Variants in IGSF10 observed in about 807,000 individuals in gnomAD.
IGSF10 encodes the protein calvaria mechanical force protein 608.
Under a neutral mutation model 128.2 loss-of-function variants are expected in IGSF10, and 126 were observed. The observed-to-expected ratio is 0.98, with a 90% CI of 0.85 to 1.14. IGSF10 has a LOEUF of 1.14. Ranked by LOEUF, IGSF10 falls within the 50% of genes most tolerant of loss-of-function variation. The pLI is 0.00. For synonymous variants in IGSF10, 1,185 were observed against 1,146.2 expected, an observed-to-expected ratio of 1.03 and a Z score of -0.68; for missense variants, 3,295 against 3,149.8, an observed-to-expected ratio of 1.05 and a Z score of -1.10.
chr3:151,611,407 G>A, the IGSF10 span, among the ~76,000 whole-genome samples: 93,366 of 152,074 alleles, frequency 0.61, 29,186 homozygotes, highest in African/African-American at 0.73. Context: ...CACATGGGCA[G>A]TGCATACAGT....
In IGSF10 at chr3:151,448,798, T is replaced by C; in HGVS notation, c.1183A>G (p.Ser395Gly). ...TTGTAATAGAGCTGCGGTGTTTCAC[T>C]AAGCAAGTGGCTCCTTTCTAGTATC... ...PLILERSHLLSETPQLYYKYK... is the reference protein window; with the variant it reads ...PLILERSHLLGETPQLYYKYK... The change falls in exon 6 of 8, where the codon AGT becomes GGT. Residue 395 changes from serine (S) to glycine (G), a missense_variant. By Grantham distance (56) the Ser-to-Gly change is moderately conservative (BLOSUM62 0). Transcript: ENST00000282466. 2 of 1,613,558 alleles carry C rather than the reference T, an allele frequency of 1.2e-6. No homozygotes were observed. The highest frequency in any genetic ancestry group is 1.7e-6 in the Non-Finnish European group (2 of 1,179,464).
chr3:151,457,624 A>G (rs543603905), intron 3 of IGSF10, among the ~76,000 whole-genome samples: 116 of 152,278 alleles, frequency 7.6e-4, no homozygotes, highest in African/African-American at 2.7e-3. Context: ...TCAACAGAGT[A>G]GTGGTACAAC....
At chr3:151,568,934 A>C in the IGSF10 span, among the ~76,000 whole-genome samples, 1 of 152,220 alleles carries the variant, frequency 6.6e-6, no homozygotes, top group Non-Finnish European at 1.5e-5. Context: ...GCAGAATGCT[A>C]CTGTTGACGT....
At chr3:151,505,649 C>T in the IGSF10 span, among the ~76,000 whole-genome samples, 2 of 152,252 alleles carry the variant, frequency 1.3e-5, no homozygotes, top group Admixed American at 1.3e-4. Flanking sequence ...AGATATGTTA[C>T]AGTGGACATT....
chr3:151,518,005 G>A, the IGSF10 span, among the ~76,000 whole-genome samples: 1 of 151,914 alleles, frequency 6.6e-6, no homozygotes, highest in South Asian at 2.1e-4. Context: ...CATTACAATG[G>A]TTTTGGTGCT....
chr3:151,547,431 C>T, the IGSF10 span, among the ~76,000 whole-genome samples: 5,616 of 100,576 alleles, frequency 0.056, 199 homozygotes, highest in East Asian at 0.21. Flanking sequence ...TATATATATA[C>T]ACACACACAC....
At position 151,436,830 on chromosome 3, in the gene IGSF10, C is replaced by CCTCT. The variant is rs1448743716; in HGVS notation, c.7727_7730dup (p.Thr2578GlufsTer6). 4 of 1,614,180 alleles carry CCTCT rather than the reference C, an allele frequency of 2.5e-6. No homozygotes were observed. Among genetic ancestry groups the CCTCT allele is most frequent in the South Asian group, 1.1e-5 (1 of 91,074 alleles). On this transcript the variant is annotated frameshift_variant, in exon 8 of 8. Transcript: ENST00000282466. LOFTEE classifies it low-confidence loss of function (END_TRUNC). ...AGTGAAGCTGCTCACTTCCATGTGTCCTCTCTTTACTTGCCGTTGAGAGAA... is the reference window on the plus strand; with the variant it reads ...AGTGAAGCTGCTCACTTCCATGTGTCCTCTCTCTCTTTACTTGCCGTTGAGAGAA...
At chr3:151,613,763 GGGC>G in the IGSF10 span, among the ~76,000 whole-genome samples, 1 of 152,260 alleles carries the variant, frequency 6.6e-6, no homozygotes, top group East Asian at 1.9e-4. Context: ...ACATAGGCAT[GGGC>G]AAGGACTTCA....
In IGSF10 at chr3:151,437,836, G is replaced by A; in HGVS notation, c.6725C>T (p.Thr2242Ile). The change falls in exon 8 of 8, where the codon ACA (threonine) becomes ATA (isoleucine). Residue 2242 changes from threonine to isoleucine, a missense_variant. By Grantham distance (89) the Thr-to-Ile change is moderately conservative. Coordinates refer to ENST00000282466, the MANE Select transcript of IGSF10 (RefSeq NM_178822.5). The stretch of plus-strand genomic sequence containing the variant: ...TGTGGCTTTAATAACAGTTCTGTTT[G>A]TATACAGACCATTGATTAATGGAGG... ...SKPPLINGLY[T>I]NRTVIKATAV... 6.2e-7 allele frequency: 1 copy of A among 1,613,940 alleles called. No individual in the cohort carries two copies.
At chr3:151,592,221 TACACACACACACACACACACAC>T in the IGSF10 span, among the ~76,000 whole-genome samples, 102 of 150,450 alleles carry the variant, frequency 6.8e-4, no homozygotes, top group African/African-American at 2.4e-3. Context: ...TTGAGATTAA[TACACACACACACACACACACAC>T]ACACACACAC....
chr3:151,497,525 A>G, the IGSF10 span, among the ~76,000 whole-genome samples: 1 of 152,030 alleles, frequency 6.6e-6, no homozygotes, highest in African/African-American at 2.4e-5. Context: ...GTTCTGTTCC[A>G]TTGGTTTATA....
chr3:151,468,891 C>G, the IGSF10 span, among the ~76,000 whole-genome samples: 3 of 152,304 alleles, frequency 2.0e-5, no homozygotes, highest in South Asian at 6.2e-4. Context: ...CTCCCTCCCC[C>G]TGCCCTGCTG....
At chr3:151,457,726 A>C (rs1179473760) in intron 3 of IGSF10, among the ~76,000 whole-genome samples, 1 of 152,228 alleles carries the variant, frequency 6.6e-6, no homozygotes, top group Non-Finnish European at 1.5e-5. Context: ...TATGAGGATT[A>C]AATGGATGCA....
the IGSF10 span, among the ~76,000 whole-genome samples, chr3:151,529,930 C>T: frequency 6.6e-6 from 1 of 151,828 alleles, no homozygotes; most frequent in African/African-American, 2.4e-5. Context: ...AGGAACATGT[C>T]CTAACCCAAC....
chr3:151,501,175 T>C, the IGSF10 span, among the ~76,000 whole-genome samples: 2 of 152,074 alleles, frequency 1.3e-5, no homozygotes, highest in Non-Finnish European at 2.9e-5. Context: ...CCATTGGAAA[T>C]GATCCGTAAG....
the IGSF10 span, among the ~76,000 whole-genome samples, chr3:151,592,062 T>C: frequency 2.6e-5 from 4 of 152,102 alleles, no homozygotes; most frequent in African/African-American, 9.7e-5. Flanking sequence ...CAAAGTATAG[T>C]GGTTAAAAGC....
Position 151,456,899 on chromosome 3 carries a change from T to C in IGSF10, c.324+127A>G, listed in dbSNP as rs1721821806. ...GTTAAAAATCAGTTAACATTCTCCA[T>C]TGACGTCTGCTTCTAATTTACAGAA... On this transcript the variant is annotated intron_variant, in intron 4 of 7. Coordinates refer to ENST00000282466, the MANE Select transcript of IGSF10 (RefSeq NM_178822.5). 6.6e-6 allele frequency: 6 copies of C among 912,358 alleles called. 1 individual carries two copies. The East Asian group carries it at 9.8e-5, about 15-fold the overall frequency. 56.5% of individuals were successfully genotyped at this position (912,358 alleles called of 1,614,324 possible).
chr3:151,593,970 G>C, the IGSF10 span, among the ~76,000 whole-genome samples: 1 of 147,770 alleles, frequency 6.8e-6, no homozygotes, highest in South Asian at 2.5e-4. Context: ...AAAGATTGAG[G>C]AATGGGCTGA....
Position 151,436,755 on chromosome 3 carries a change from T to TA in IGSF10, c.7805dup (p.Tyr2603IlefsTer11), listed in dbSNP as rs1560167576. The TA allele has an allele frequency of 1.2e-6, 2 of 1,614,204 alleles. No homozygotes were observed. Among genetic ancestry groups the TA allele is most frequent in the Admixed American group, 1.7e-5 (1 of 60,030 alleles). On this transcript the variant is annotated frameshift_variant, in exon 8 of 8. Transcript: ENST00000282466. LOFTEE classifies it low-confidence loss of function (END_TRUNC). ...GTGGGTTCTTTGCTGTGCATTTGTA[T>TA]ATCCCAGAATCGGAGGTTTGGGGAT...
Sources: gnomAD v4.1 joint callset for allele counts (sites outside exome capture counted in the v4.1 genomes callset) on GRCh38, gnomAD v4.1.1 for gene constraint, MANE v1.5 for transcripts, NCBI Gene and HGNC (gene_info 2026-07-23, HGNC 2026-07-21) for gene names.